DOP1A: variants seen among roughly 807,000 people sequenced by gnomAD.
DOP1A encodes the protein protein DOP1A.
In DOP1A, 90 loss-of-function variants were observed where a neutral mutation model predicts 267.6. That is an observed-to-expected ratio of 0.34 (90% CI 0.28 to 0.40). The LOEUF is 0.40. DOP1A is among the 10% of genes least tolerant of loss of function. DOP1A has a pLI of 1.00. For missense variants in DOP1A, 2,437 were observed against 2,900.4 expected, an observed-to-expected ratio of 0.84 and a Z score of 3.67; for synonymous variants, 932 against 999.1, an observed-to-expected ratio of 0.93 and a Z score of 1.27.
chr6:83,144,172 C>T (rs138904322), intron 24 of DOP1A, among the ~76,000 whole-genome samples: 31 of 152,064 alleles, frequency 2.0e-4, no homozygotes, highest in African/African-American at 6.3e-4. Context: ...GTAACTCCAC[C>T]GGAGGAGGAA....
At chr6:83,086,846 A>G (rs1769346381) in intron 1 of DOP1A, among the ~76,000 whole-genome samples, 1 of 152,230 alleles carries the variant, frequency 6.6e-6, no homozygotes, top group African/African-American at 2.4e-5. Flanking sequence ...CTATGAGAGA[A>G]TAAAGAAATG....
intron 30 of DOP1A, among the ~76,000 whole-genome samples, chr6:83,152,881 G>A (rs1325501287): frequency 6.6e-6 from 1 of 152,132 alleles, no homozygotes; most frequent in East Asian, 1.9e-4. Flanking sequence ...GCTTCCCAAA[G>A]TGCTGAGGTT....
At chr6:83,082,740 CATT>C (rs777958625) in intron 1 of DOP1A, among the ~76,000 whole-genome samples, 5 of 151,920 alleles carry the variant, frequency 3.3e-5, no homozygotes, top group Non-Finnish European at 7.4e-5. Flanking sequence ...TACTTCAAAA[CATT>C]ATATTGTACA....
chr6:83,103,272 C>T (rs575045610), intron 4 of DOP1A, among the ~76,000 whole-genome samples: 25 of 152,094 alleles, frequency 1.6e-4, no homozygotes, highest in Non-Finnish European at 3.7e-4. Context: ...CACTTGTAAG[C>T]GAGAGCTAAG....
chr6:83,104,018 G>GT (rs1388194521), intron 4 of DOP1A, among the ~76,000 whole-genome samples: 4 of 151,800 alleles, frequency 2.6e-5, no homozygotes, highest in Non-Finnish European at 4.4e-5. Context: ...TTTGAAGAAA[G>GT]TTTTTTTTAG....
At chr6:83,081,015 T>G (rs1302821513) in intron 1 of DOP1A, among the ~76,000 whole-genome samples, 1 of 152,186 alleles carries the variant, frequency 6.6e-6, no homozygotes, top group Non-Finnish European at 1.5e-5. Context: ...ACTACAAAGC[T>G]ATTGTAACCA....
At chr6:83,071,207 G>C (rs1046456453) in intron 1 of DOP1A, among the ~76,000 whole-genome samples, 1 of 152,020 alleles carries the variant, frequency 6.6e-6, no homozygotes, top group Non-Finnish European at 1.5e-5. Flanking sequence ...AGAGAATGAA[G>C]AGGAAGTAAC....
At chr6:83,092,108 T>C (rs1770528732) in intron 1 of DOP1A, among the ~76,000 whole-genome samples, 1 of 152,178 alleles carries the variant, frequency 6.6e-6, no homozygotes, top group Admixed American at 6.5e-5. Context: ...AGTGTGCTAG[T>C]CTTTTGTATC....
Position 83,132,220 on chromosome 6 carries a change from T to C in DOP1A, c.2661T>C (p.Pro887=). ...TLWDQLGDGT[P]QHHQKSVELF... is the part of the protein sequence containing the mutation. ...GGGACCAGTTGGGAGATGGGACACC[T>C]CAGCATCACCAGAAGAGTGTGGAAC... Residue 887 remains proline, a synonymous_variant, in exon 18 of 39, where the codon CCT becomes CCC. Coordinates refer to ENST00000349129, the MANE Select transcript of DOP1A (RefSeq NM_015018.4). 2 of 1,613,408 alleles carry C rather than the reference T, an allele frequency of 1.2e-6. No individual in the cohort carries two copies. The highest frequency in any genetic ancestry group is 1.1e-5 in the South Asian group (1 of 91,006).
intron 1 of DOP1A, among the ~76,000 whole-genome samples, chr6:83,083,164 A>G (rs1768441234): frequency 6.6e-6 from 1 of 152,158 alleles, no homozygotes; most frequent in South Asian, 2.1e-4. Flanking sequence ...TATCAGAATC[A>G]TGATCATTTT....
At chr6:83,121,819 T>C in intron 10 of DOP1A, 111 bp from the exon 11 acceptor site, 1 of 1,112,316 alleles carries the variant, frequency 9.0e-7, no homozygotes, top group East Asian at 2.7e-5. Context: ...GAAGAAATAC[T>C]ATTTTAAAAA....
intron 1 of DOP1A, among the ~76,000 whole-genome samples, chr6:83,076,594 A>G (rs1021918061): frequency 2.0e-5 from 3 of 152,062 alleles, no homozygotes; most frequent in Non-Finnish European, 4.4e-5. Context: ...TACACCCATT[A>G]TGATGGCTAC....
chr6:83,069,411 C>T (rs942773030), intron 1 of DOP1A, among the ~76,000 whole-genome samples: 5 of 152,184 alleles, frequency 3.3e-5, no homozygotes, highest in African/African-American at 1.2e-4. Context: ...GTTATCCTAG[C>T]ATTCCCAAAT....
intron 4 of DOP1A, among the ~76,000 whole-genome samples, chr6:83,104,690 A>G (rs1773256131): frequency 6.6e-6 from 1 of 152,056 alleles, no homozygotes; most frequent in African/African-American, 2.4e-5. Context: ...CAGTTTTAAT[A>G]AGTTTTTTCT....
intron 27 of DOP1A, among the ~76,000 whole-genome samples, chr6:83,150,544 T>C (rs944010319): frequency 2.6e-5 from 4 of 152,240 alleles, no homozygotes; most frequent in African/African-American, 7.2e-5. Context: ...AGTTTACCTT[T>C]TTGCCAACCA....
intron 38 of DOP1A, chr6:83,165,573 T>C (rs1813511): frequency 0.046 from 8,126 of 176,266 alleles, 254 homozygotes; most frequent in Middle Eastern, 0.081. Flanking sequence ...TCCTGTAGCA[T>C]AAAAATCCAT....
chr6:83,168,732 G>A, downstream of DOP1A: 1 of 997,584 alleles, frequency 1.0e-6, no homozygotes, highest in Non-Finnish European at 1.2e-6. Context: ...ATACCTCTGA[G>A]TTCCTGATGG....
At chr6:83,168,955 C>A, downstream of DOP1A, 1 of 1,154,570 alleles carries the variant, frequency 8.7e-7, no homozygotes, top group Non-Finnish European at 1.1e-6. Context: ...AATTGTTCCC[C>A]ACATAAAACT....
chr6:83,087,980 T>G (rs955628617), intron 1 of DOP1A, among the ~76,000 whole-genome samples: 1 of 152,160 alleles, frequency 6.6e-6, no homozygotes, highest in African/African-American at 2.4e-5. Context: ...CATGCCATTC[T>G]CCTGCCTCAG....
Sources: gnomAD v4.1 joint callset for allele counts (sites outside exome capture counted in the v4.1 genomes callset) on GRCh38, gnomAD v4.1.1 for gene constraint, MANE v1.5 for transcripts, NCBI Gene and HGNC (gene_info 2026-07-23, HGNC 2026-07-21) for gene names.